The following POLDIP3 variants were observed in gnomAD, a reference collection of about 807,000 sequenced individuals.
POLDIP3 encodes DNA polymerase delta interacting protein 3.
Under a neutral mutation model 45.1 loss-of-function variants are expected in POLDIP3, and 14 were observed. That is an observed-to-expected ratio of 0.31 (90% CI 0.20 to 0.49). The LOEUF is 0.49. Ranked by LOEUF, POLDIP3 falls within the 20% of genes least tolerant of loss-of-function variation. The probability of loss-of-function intolerance (pLI) is 0.99; values close to 1 mark genes in which losing one functional copy is unlikely to be tolerated. For missense variants in POLDIP3, 511 were observed against 538.8 expected (o/e 0.95, Z 0.51); for synonymous variants, 223 against 205.2 (o/e 1.09, Z -0.74).
Position 42,600,824 on chromosome 22 carries a change from C to T in POLDIP3, c.538-1031G>A, listed in dbSNP as rs1392334684. On this transcript the variant is annotated intron_variant, in intron 3 of 8. Coordinates refer to ENST00000252115, the MANE Select transcript of POLDIP3 (RefSeq NM_032311.5). ...GTCTCTACTAAAAATACAAAATTAGCCAGGCGCGGTGACTCATGCTTGTAA... is the reference window on the plus strand; with the variant it reads ...GTCTCTACTAAAAATACAAAATTAGTCAGGCGCGGTGACTCATGCTTGTAA... Among the ~76,000 whole-genome samples the T allele has an allele frequency of 5.3e-5, 8 of 152,156 alleles. No homozygotes were observed. In the East Asian group the frequency reaches 1.4e-3, roughly 26 times the overall value.
At chr22:42,612,946 TG>T (rs1399336190) in intron 1 of POLDIP3, among the ~76,000 whole-genome samples, 2 of 152,168 alleles carry the variant, frequency 1.3e-5, no homozygotes, top group African/African-American at 4.8e-5. Context: ...AACCCAACAG[TG>T]GCAAGTGCCA....
In POLDIP3 at chr22:42,585,777, C is replaced by T; in HGVS notation, c.*14G>A. 6.2e-7 allele frequency: 1 copy of T among 1,607,286 alleles called. No individual in the cohort carries two copies. On this transcript the variant is annotated 3_prime_UTR_variant, in exon 9 of 9. Transcript: ENST00000252115. ...CCTCCTCTGCCCCCACTTCTGGCTG[C>T]CTCACTCCCCTGCTCAAAGCTTGAT...
chr22:42,605,369 C>T (rs1419847610), intron 1 of POLDIP3, among the ~76,000 whole-genome samples: 3 of 152,208 alleles, frequency 2.0e-5, no homozygotes, highest in African/African-American at 4.8e-5. Context: ...CCTCGTGATC[C>T]GCCTGCCTTG....
chr22:42,587,320 C>G (rs746653667), intron 8 of POLDIP3, among the ~76,000 whole-genome samples, 186 bp downstream of exon 8: 2 of 152,154 alleles, frequency 1.3e-5, no homozygotes, highest in Non-Finnish European at 2.9e-5. Context: ...TAGGGTCAAG[C>G]CCTGGGGAAA....
chr22:42,609,029 C>A (rs968779479), intron 1 of POLDIP3, among the ~76,000 whole-genome samples: 1 of 152,176 alleles, frequency 6.6e-6, no homozygotes, highest in Non-Finnish European at 1.5e-5. Context: ...CATTAGTCAT[C>A]GGAAATTTTT....
intron 6 of POLDIP3, among the ~76,000 whole-genome samples, chr22:42,594,804 C>T (rs1205890494): frequency 6.6e-6 from 1 of 152,194 alleles, no homozygotes; most frequent in African/African-American, 2.4e-5. Context: ...GTGGATACCA[C>T]CAATCCATCT....
chr22:42,596,143 G>T, intron 5 of POLDIP3, 43 bp downstream of exon 5: 3 of 1,594,634 alleles, frequency 1.9e-6, no homozygotes, highest in Non-Finnish European at 2.6e-6. Flanking sequence ...TAAGCATACA[G>T]CCCTCCTGAC....
At chr22:42,604,268 T>G (rs1414075005) in intron 1 of POLDIP3, among the ~76,000 whole-genome samples, 1 of 152,046 alleles carries the variant, frequency 6.6e-6, no homozygotes, top group Admixed American at 6.5e-5. Flanking sequence ...TCCTTTTTTC[T>G]CTCCCTACCC....
At chr22:42,604,518 T>TA (rs1337478835) in intron 1 of POLDIP3, among the ~76,000 whole-genome samples, 1 of 152,184 alleles carries the variant, frequency 6.6e-6, no homozygotes, top group Non-Finnish European at 1.5e-5. Flanking sequence ...GACCTGCTGT[T>TA]AGAGGGTAAA....
At position 42,603,222 on chromosome 22, in the gene POLDIP3, G is replaced by A. The variant is rs532496360; in HGVS notation, c.60-62C>T. On this transcript the variant is annotated intron_variant, in intron 1 of 8. Coordinates refer to ENST00000252115, the MANE Select transcript of POLDIP3 (RefSeq NM_032311.5). ...TGGGTATCTACAGCAGTCTATGAAAGCGGAACTGTGGTAACACTGGGGACA... is the reference window on the plus strand; with the variant it reads ...TGGGTATCTACAGCAGTCTATGAAAACGGAACTGTGGTAACACTGGGGACA... The A allele has an allele frequency of 3.2e-6, 5 of 1,552,772 alleles. No homozygotes were observed. In the East Asian group the frequency reaches 1.1e-4, roughly 35 times the overall value.
rs1248698425 is a variant in POLDIP3, at chr22:42,585,088, CT to C, written c.*702del. 16 of 442,860 alleles carry C rather than the reference CT, an allele frequency of 3.6e-5. 1 individual carries two copies. Among genetic ancestry groups the C allele is most frequent in the Non-Finnish European group, 7.2e-5 (16 of 221,232 alleles). The allele number at this position is 442,860 out of a possible 1,614,324, so 27.4% of individuals were successfully genotyped here. A position where few individuals can be genotyped will look rare whatever the true frequency, so the allele number is the denominator to read the frequency against. The stretch of plus-strand genomic sequence containing the variant: ...AGCTGGGGTGGGGCATTCAGCACAA[CT>C]CAAGGAAAAGGGAAAGGTGAACTCT... On this transcript the variant is annotated 3_prime_UTR_variant, in exon 9 of 9. Transcript: ENST00000252115.
At position 42,608,286 on chromosome 22, in the gene POLDIP3, G is replaced by A. The variant is rs34395521; in HGVS notation, c.60-5126C>T. ...CCCCAAAAAAAAATTAGCTGCAAGT[G>A]ATGATGCACATCTGTAGTCCCAGCT... On this transcript the variant is annotated intron_variant, in intron 1 of 8. Coordinates refer to ENST00000252115, the MANE Select transcript of POLDIP3 (RefSeq NM_032311.5). 7.7e-3 allele frequency among the ~76,000 whole-genome samples: 1,015 copies of A among 132,316 alleles called. 6 individuals carry two copies. Among genetic ancestry groups the A allele is most frequent in the Middle Eastern group, 0.04 (8 of 198 alleles). The allele number at this position is 132,316 out of a possible 152,430, so 86.8% of individuals were successfully genotyped here.
chr22:42,606,493 G>C (rs1039688851), intron 1 of POLDIP3, among the ~76,000 whole-genome samples: 14 of 151,968 alleles, frequency 9.2e-5, no homozygotes, highest in Non-Finnish European at 1.5e-4. Context: ...AAATTATCTG[G>C]GCATGGCAGC....
At chr22:42,587,092 AAAACAAACAAAC>A (rs142095433) in intron 8 of POLDIP3, among the ~76,000 whole-genome samples, 29 of 150,774 alleles carry the variant, frequency 1.9e-4, no homozygotes, top group Non-Finnish European at 3.4e-4. Context: ...GAAAAAGCAA[AAAACAAACAAAC>A]AAACAAACAA....
chr22:42,607,377 T>C (rs944580091), intron 1 of POLDIP3, among the ~76,000 whole-genome samples: 6 of 152,214 alleles, frequency 3.9e-5, no homozygotes, highest in African/African-American at 1.2e-4. Flanking sequence ...CCTCCCGAGG[T>C]GCCGGGATTG....
chr22:42,593,280 T>C (rs1925780546), intron 6 of POLDIP3, among the ~76,000 whole-genome samples: 1 of 152,242 alleles, frequency 6.6e-6, no homozygotes, highest in African/African-American at 2.4e-5. Flanking sequence ...CCGACAGATA[T>C]GGAGGGCCAA....
intron 6 of POLDIP3, among the ~76,000 whole-genome samples, chr22:42,593,181 C>T (rs1925774912): frequency 6.6e-6 from 1 of 152,172 alleles, no homozygotes; most frequent in Non-Finnish European, 1.5e-5. Flanking sequence ...TACTGTATTT[C>T]TAAAATTTGT....
In POLDIP3 at chr22:42,614,260, T is replaced by C. The variant is rs9623639; in HGVS notation, c.59+539A>G. 2.5e-3 allele frequency among the ~76,000 whole-genome samples: 374 copies of C among 152,196 alleles called. 4 individuals are homozygous for C. The highest frequency in any genetic ancestry group is 8.7e-3 in the African/African-American group (360 of 41,536). The stretch of plus-strand genomic sequence containing the variant: ...CTGTAAAAGATTAAATGAGGCATCG[T>C]GTATATGAAAGGGCTCAGAAAACTT... On this transcript the variant is annotated intron_variant, in intron 1 of 8. Coordinates refer to ENST00000252115, the MANE Select transcript of POLDIP3 (RefSeq NM_032311.5).
chr22:42,600,452 C>A (rs1352998808), intron 3 of POLDIP3, among the ~76,000 whole-genome samples: 3 of 150,824 alleles, frequency 2.0e-5, no homozygotes, highest in Non-Finnish European at 4.4e-5. Flanking sequence ...TGGTGAAACC[C>A]CGTCTCTACG....
Sources: allele counts gnomAD v4.1 joint callset (sites outside exome capture counted in the v4.1 genomes callset), GRCh38; gene constraint gnomAD v4.1.1; transcripts MANE v1.5; gene names NCBI Gene and HGNC (gene_info 2026-07-23, HGNC 2026-07-21).